Variants in CNTNAP2 observed in about 807,000 individuals in gnomAD.
The protein encoded by CNTNAP2 is contactin-associated protein-like 2.
In CNTNAP2, 98 loss-of-function variants were observed where a neutral mutation model predicts 155.2. The ratio of observed to expected loss-of-function variants is 0.63; its 90% CI spans 0.54 to 0.75. The LOEUF is 0.75. Ranked by LOEUF, CNTNAP2 falls within the 30% of genes least tolerant of loss-of-function variation. The pLI, the probability that CNTNAP2 is intolerant of heterozygous loss-of-function variation, is 0.00. For missense variants in CNTNAP2, 1,727 were observed against 1,688.1 expected (o/e 1.02, Z -0.40); for synonymous variants, 651 against 631.2 (o/e 1.03, Z -0.47).
At chr7:146,759,559 G>A (rs768220927) in intron 1 of CNTNAP2, among the ~76,000 whole-genome samples, 11 of 151,820 alleles carry the variant, frequency 7.2e-5, no homozygotes, top group African/African-American at 2.4e-5. Flanking sequence ...GCTAGGTGTG[G>A]TGGCACATGC....
At chr7:147,810,768 A>G (rs1798166805) in intron 13 of CNTNAP2, among the ~76,000 whole-genome samples, 1 of 152,158 alleles carries the variant, frequency 6.6e-6, no homozygotes, top group African/African-American at 2.4e-5. Context: ...AAAATACCCA[A>G]TTTCGTTTTT....
At chr7:146,183,279 G>A (rs1798574961) in intron 1 of CNTNAP2, among the ~76,000 whole-genome samples, 3 of 152,052 alleles carry the variant, frequency 2.0e-5, no homozygotes, top group South Asian at 4.2e-4. Context: ...ATTCTAGCAG[G>A]ACAGATCTCC....
chr7:146,683,027 T>C (rs904007123), intron 1 of CNTNAP2, among the ~76,000 whole-genome samples: 9 of 151,660 alleles, frequency 5.9e-5, no homozygotes, highest in African/African-American at 2.0e-4. Flanking sequence ...TATAACATTG[T>C]ATATAAAGTC....
At chr7:146,784,926 A>C (rs1233884106) in intron 2 of CNTNAP2, among the ~76,000 whole-genome samples, 1 of 152,122 alleles carries the variant, frequency 6.6e-6, no homozygotes, top group Non-Finnish European at 1.5e-5. Flanking sequence ...GAATATAGGC[A>C]AAATGTGTTT....
chr7:148,019,257 G>C (rs148421367), intron 15 of CNTNAP2, among the ~76,000 whole-genome samples: 119 of 152,224 alleles, frequency 7.8e-4, no homozygotes, highest in African/African-American at 2.6e-3. Context: ...TCCTCAGAGG[G>C]GACCTCCTAG....
At chr7:147,828,395 G>A (rs1798493943) in intron 13 of CNTNAP2, among the ~76,000 whole-genome samples, 1 of 152,156 alleles carries the variant, frequency 6.6e-6, no homozygotes, top group Non-Finnish European at 1.5e-5. Flanking sequence ...TCATAGAGGT[G>A]TTATAAGGAA....
intron 9 of CNTNAP2, among the ~76,000 whole-genome samples, chr7:147,394,714 G>A (rs769714978): frequency 1.3e-5 from 2 of 151,506 alleles, no homozygotes; most frequent in Non-Finnish European, 2.9e-5. Flanking sequence ...TAATTGATTG[G>A]TGGTGATCTC....
At chr7:147,019,959 T>C (rs1372100102) in intron 3 of CNTNAP2, among the ~76,000 whole-genome samples, 2 of 151,866 alleles carry the variant, frequency 1.3e-5, no homozygotes, top group East Asian at 1.9e-4. Context: ...ATGAAGAATA[T>C]AAAACAGGAT....
intron 1 of CNTNAP2, among the ~76,000 whole-genome samples, chr7:146,171,395 A>G (rs923413022): frequency 9.8e-5 from 15 of 152,300 alleles, no homozygotes; most frequent in African/African-American, 3.4e-4. Flanking sequence ...GAAGCACCAA[A>G]ATGAATCACA....
intron 13 of CNTNAP2, among the ~76,000 whole-genome samples, chr7:147,645,806 G>A (rs764933511): frequency 4.6e-5 from 7 of 152,180 alleles, no homozygotes; most frequent in Non-Finnish European, 1.0e-4. Context: ...TTCTGGGTTA[G>A]CGATGTCAGC....
intron 15 of CNTNAP2, among the ~76,000 whole-genome samples, chr7:148,101,541 A>G (rs1283107216): frequency 6.6e-6 from 1 of 152,182 alleles, no homozygotes; most frequent in Non-Finnish European, 1.5e-5. Context: ...TCTTGAAACA[A>G]TAAATCCCCA....
intron 14 of CNTNAP2, among the ~76,000 whole-genome samples, chr7:147,977,156 G>A (rs1278972882): frequency 2.0e-5 from 3 of 152,194 alleles, no homozygotes; most frequent in African/African-American, 7.2e-5. Context: ...TCTAGAGTCA[G>A]TACTTTGCAA....
intron 14 of CNTNAP2, among the ~76,000 whole-genome samples, chr7:147,913,935 T>A (rs980534764): frequency 2.0e-5 from 3 of 152,148 alleles, no homozygotes; most frequent in African/African-American, 7.2e-5. Context: ...GAGGGCTATT[T>A]GGGAATTGCC....
At chr7:147,413,562 G>GA (rs937935332) in intron 10 of CNTNAP2, among the ~76,000 whole-genome samples, 25 of 150,770 alleles carry the variant, frequency 1.7e-4, no homozygotes, top group African/African-American at 2.4e-4. Context: ...GGGGTGCAGA[G>GA]AAAAAAAAAT....
intron 1 of CNTNAP2, among the ~76,000 whole-genome samples, chr7:146,377,971 T>G (rs1434525112): frequency 9.9e-5 from 15 of 152,232 alleles, no homozygotes; most frequent in Admixed American, 9.8e-4. Context: ...CTTATGTTAC[T>G]ATGCTACTTA....
chr7:146,767,718 A>AT (rs1169732424), intron 1 of CNTNAP2, among the ~76,000 whole-genome samples: 2 of 152,158 alleles, frequency 1.3e-5, no homozygotes, highest in East Asian at 1.9e-4. Flanking sequence ...AGGAGCATAC[A>AT]TTTTTATAGC....
chr7:147,954,883 T>G (rs1800993176), intron 14 of CNTNAP2, among the ~76,000 whole-genome samples: 1 of 152,222 alleles, frequency 6.6e-6, no homozygotes, highest in Non-Finnish European at 1.5e-5. Flanking sequence ...GGCTGAAAGA[T>G]TTCTATAGTG....
At chr7:148,203,892 C>T (rs913789981) in intron 18 of CNTNAP2, among the ~76,000 whole-genome samples, 5 of 152,200 alleles carry the variant, frequency 3.3e-5, no homozygotes, top group African/African-American at 1.2e-4. Flanking sequence ...GCCCAGTGCT[C>T]CTGGGCCTGA....
At position 148,283,821 on chromosome 7, in the gene CNTNAP2, G is replaced by A. The variant is rs149526611; in HGVS notation, c.3475+16695G>A. 4.7e-3 allele frequency among the ~76,000 whole-genome samples: 711 copies of A among 152,300 alleles called. 4 individuals carry two copies. The highest frequency in any genetic ancestry group is 9.0e-3 in the Admixed American group (138 of 15,294). ...TTAGGCATGACTGATTGTGCTGGCA[G>A]CCATGAGCTCAATGTTAATAAATCA... On this transcript the variant is annotated intron_variant, in intron 21 of 23. Coordinates refer to ENST00000361727, the MANE Select transcript of CNTNAP2 (RefSeq NM_014141.6).
Sources: allele counts gnomAD v4.1 joint callset (sites outside exome capture counted in the v4.1 genomes callset), GRCh38; gene constraint gnomAD v4.1.1; transcripts MANE v1.5; gene names NCBI Gene and HGNC (gene_info 2026-07-23, HGNC 2026-07-21).